Variants in EHD4 observed in about 807,000 individuals in gnomAD.
EHD4 encodes EH domain containing 4.
Under a neutral mutation model 51.0 loss-of-function variants are expected in EHD4, and 37 were observed. The observed-to-expected ratio is 0.73, with a 90% CI of 0.56 to 0.95. EHD4 has a LOEUF of 0.95. Among genes scored for constraint, EHD4 ranks in the 40% least tolerant of loss-of-function variants. EHD4 has a pLI of 0.00. For synonymous variants in EHD4, 297 were observed against 317.3 expected, an observed-to-expected ratio of 0.94 and a Z score of 0.68; for missense variants, 632 against 733.1, an observed-to-expected ratio of 0.86 and a Z score of 1.59.
chr15:41,943,504 A>C (rs1276164411), intron 2 of EHD4, among the ~76,000 whole-genome samples: 1 of 152,210 alleles, frequency 6.6e-6, no homozygotes, highest in Non-Finnish European at 1.5e-5. Context: ...ATATCCTCTC[A>C]TTTGATCCTC....
chr15:41,900,873 T>C lies in EHD4; in HGVS notation c.1398A>G (p.Ser466=), dbSNP rs1429243159. ...YTLSPINGKI[S]GVNAKKEMVT... is the part of the protein sequence containing the mutation. ...CCATCTCCTTCTTGGCGTTGACACC[T>C]GATATCTTGCCATTGATGGGCGACA... Residue 466 remains serine (S), a synonymous_variant, in exon 6 of 6, where the codon TCA becomes TCG. Coordinates refer to ENST00000220325, the MANE Select transcript of EHD4 (RefSeq NM_139265.4). The surrounding 1 kb of genome is among the most constrained non-coding windows in gnomAD (Gnocchi z 4.8). 6.2e-7 allele frequency: 1 copy of C among 1,614,138 alleles called. No individual in the cohort carries two copies. The highest frequency in any genetic ancestry group is 2.2e-5 in the East Asian group (1 of 44,882).
At chr15:41,904,971 C>T (rs1161841152) in intron 5 of EHD4, among the ~76,000 whole-genome samples, 1 of 152,232 alleles carries the variant, frequency 6.6e-6, no homozygotes, top group South Asian at 2.1e-4. Context: ...GTCACTCTGA[C>T]CAGCTGGCTC....
intron 1 of EHD4, among the ~76,000 whole-genome samples, chr15:41,961,491 G>C (rs904689572): frequency 1.3e-5 from 2 of 152,148 alleles, no homozygotes; most frequent in Non-Finnish European, 2.9e-5. Flanking sequence ...GTCATGAGGA[G>C]GTTATGGAAC....
Position 41,919,610 on chromosome 15 carries a change from C to G in EHD4, c.524G>C (p.Cys175Ser). The G allele has an allele frequency of 6.6e-7, 1 of 1,512,798 alleles. No homozygotes were observed. The highest frequency in any genetic ancestry group is 8.8e-7 in the Non-Finnish European group (1 of 1,131,480). 93.7% of individuals were successfully genotyped at this position (1,512,798 alleles called of 1,614,324 possible). A position where few individuals can be genotyped will look rare whatever the true frequency, so the allele number is the denominator to read the frequency against. ...CTCGGCAAACCACTGCAGGACCTGG[C>G]AGAAGTCATAGCCTGGGTGGAGAGA... ...KQRISRGYDFCQVLQWFAERV... is the reference protein window; with the variant it reads ...KQRISRGYDFSQVLQWFAERV... Residue 175 changes from cysteine (C) to serine (S), a missense_variant, in exon 4 of 6, where the codon TGC (cysteine) becomes TCC (serine). Transcript: ENST00000220325.
intron 1 of EHD4, among the ~76,000 whole-genome samples, chr15:41,968,385 T>C (rs2067974041): frequency 6.6e-6 from 1 of 152,186 alleles, no homozygotes; most frequent in Admixed American, 6.5e-5. Context: ...TGTTTATACA[T>C]TGACAAGAAT....
chr15:41,945,698 G>A (rs975763743), intron 2 of EHD4, among the ~76,000 whole-genome samples: 3 of 152,226 alleles, frequency 2.0e-5, no homozygotes, highest in East Asian at 3.8e-4. Flanking sequence ...GAATGCATTC[G>A]TACGAAGTTA....
intron 4 of EHD4, among the ~76,000 whole-genome samples, chr15:41,911,721 C>T (rs868568852): frequency 2.6e-5 from 4 of 152,282 alleles, no homozygotes; most frequent in Middle Eastern, 3.4e-3. Context: ...GCAGGAGGCC[C>T]CCACAGCTGC....
intron 1 of EHD4, among the ~76,000 whole-genome samples, chr15:41,969,087 C>T (rs2067979989): frequency 6.6e-6 from 1 of 152,224 alleles, no homozygotes; most frequent in South Asian, 2.1e-4. Flanking sequence ...ACTTTTTTCT[C>T]TCCAGTCTGG....
intron 4 of EHD4, among the ~76,000 whole-genome samples, chr15:41,910,310 G>T (rs1595530947): frequency 6.6e-6 from 1 of 152,270 alleles, no homozygotes; most frequent in East Asian, 1.9e-4. Context: ...TAACCCCCCT[G>T]TTATGGGAGG....
Position 41,909,825 on chromosome 15 carries a change from C to A in EHD4, c.963G>T (p.Met321Ile), listed in dbSNP as rs778551029. The change falls in exon 5 of 6, where the codon ATG (methionine) becomes ATT (isoleucine). Residue 321 changes from methionine to isoleucine, a missense_variant. Met to Ile is a conservative substitution (Grantham distance 10). Transcript: ENST00000220325. Reference protein sequence around the residue: ...AYIISYLKKEMPSVFGKENKK... With the variant: ...AYIISYLKKEIPSVFGKENKK... ...TGTTTTCCTTTCCAAATACACTTGGCATCTCCTTCTTCAGGTAGCTGATGA... is the reference window on the plus strand; with the variant it reads ...TGTTTTCCTTTCCAAATACACTTGGAATCTCCTTCTTCAGGTAGCTGATGA... The A allele has an allele frequency of 1.5e-5, 25 of 1,614,234 alleles. No homozygotes were observed. Among genetic ancestry groups the A allele is most frequent in the Non-Finnish European group, 2.0e-5 (24 of 1,180,044 alleles).
chr15:41,916,681 T>C (rs930477481), intron 4 of EHD4, among the ~76,000 whole-genome samples: 1 of 152,204 alleles, frequency 6.6e-6, no homozygotes, highest in Non-Finnish European at 1.5e-5. Flanking sequence ...GTCAATGTCA[T>C]GAGTTAGTGG....
At position 41,896,287 on chromosome 15, in the gene EHD4, C is replaced by A. The variant is rs1212089411; in HGVS notation, c.*4358G>T. 1 of 152,260 alleles carries A rather than the reference C, an allele frequency of 6.6e-6. No individual in the cohort carries two copies. The highest frequency in any genetic ancestry group is 6.5e-5 in the Admixed American group (1 of 15,278). The allele number at this position is 152,260 out of a possible 1,614,324, so 9.4% of individuals were successfully genotyped here. ...CACAAGATGGCTTCTGCCAGGCTGA[C>A]CTCCCTCCCCTGACCCCAGCAGCTC... On this transcript the variant is annotated 3_prime_UTR_variant, in exon 6 of 6. Coordinates refer to ENST00000220325, the MANE Select transcript of EHD4 (RefSeq NM_139265.4).
intron 4 of EHD4, among the ~76,000 whole-genome samples, chr15:41,911,154 G>GC (rs1444614391): frequency 1.3e-5 from 2 of 152,146 alleles, no homozygotes; most frequent in Non-Finnish European, 2.9e-5. Context: ...AGTACCTAAT[G>GC]CAAGGTCTGA....
intron 2 of EHD4, among the ~76,000 whole-genome samples, chr15:41,952,234 G>A (rs2067857015): frequency 6.6e-6 from 1 of 152,192 alleles, no homozygotes; most frequent in South Asian, 2.1e-4. Context: ...GCCTTTGGGA[G>A]GACAGCAGCC....
At chr15:41,905,473 C>T (rs1279158526) in intron 5 of EHD4, among the ~76,000 whole-genome samples, 2 of 152,174 alleles carry the variant, frequency 1.3e-5, no homozygotes, top group African/African-American at 4.8e-5. Flanking sequence ...GCACTCACCA[C>T]GTCCTAGATG....
At chr15:41,913,807 T>G (rs1391719411) in intron 4 of EHD4, among the ~76,000 whole-genome samples, 1 of 152,232 alleles carries the variant, frequency 6.6e-6, no homozygotes, top group Non-Finnish European at 1.5e-5. Flanking sequence ...TGGGGGCTTT[T>G]GAACATTCGT....
chr15:41,953,252 GTGTC>G (rs2067864891), intron 2 of EHD4, among the ~76,000 whole-genome samples: 2 of 152,286 alleles, frequency 1.3e-5, no homozygotes, highest in Non-Finnish European at 2.9e-5. Flanking sequence ...TGCCTGAGAG[GTGTC>G]TGTCTAACCA....
Position 41,901,137 on chromosome 15 carries a change from C to A in EHD4, c.1134G>T (p.Lys378Asn). ...NYDFTKFHSL[K>N]PKLIEAVDNM... is the part of the protein sequence containing the mutation. ...TGTCCACTGCCTCGATCAGCTTGGG[C>A]TTCAGCGAGTGGAATTTGGTGAAGT... Residue 378 changes from lysine to asparagine, a missense_variant, in exon 6 of 6, where the codon AAG becomes AAT. By Grantham distance (94) the Lys-to-Asn change is moderately conservative (BLOSUM62 0). Transcript: ENST00000220325. The A allele has an allele frequency of 6.3e-7, 1 of 1,576,238 alleles. No homozygotes were observed. The highest frequency in any genetic ancestry group is 1.7e-4 in the Middle Eastern group (1 of 5,854).
intron 3 of EHD4, among the ~76,000 whole-genome samples, chr15:41,924,171 TG>T (rs900121097): frequency 2.0e-5 from 3 of 152,226 alleles, no homozygotes; most frequent in African/African-American, 7.2e-5. Context: ...TTGCCTGTGC[TG>T]CCTATGGCAC....
Sources: gnomAD v4.1 joint callset for allele counts (sites outside exome capture counted in the v4.1 genomes callset) on GRCh38, gnomAD v4.1.1 for gene constraint, Gnocchi (gnomAD v3.1) non-coding constraint, MANE v1.5 for transcripts, NCBI Gene and HGNC (gene_info 2026-07-23, HGNC 2026-07-21) for gene names.